BRINP2: variants seen among roughly 807,000 people sequenced by gnomAD.
The protein encoded by BRINP2 is BMP/retinoic acid inducible neural specific 2.
Under a neutral mutation model 69.2 loss-of-function variants are expected in BRINP2, and 21 were observed. The observed-to-expected ratio is 0.30, with a 90% CI of 0.22 to 0.44. The LOEUF is 0.44. Among genes scored for constraint, BRINP2 ranks in the 20% least tolerant of loss-of-function variants. The pLI is 1.00. For synonymous variants in BRINP2, 380 were observed against 394.1 expected (o/e 0.96, Z 0.42); for missense variants, 877 against 986.0 (o/e 0.89, Z 1.48).
chr1:177,224,498 G>A (rs1042894592), intron 1 of BRINP2, among the ~76,000 whole-genome samples: 3 of 152,086 alleles, frequency 2.0e-5, no homozygotes, highest in Non-Finnish European at 4.4e-5. Flanking sequence ...GGGATCACCT[G>A]ACCTCATAAA....
intron 6 of BRINP2, among the ~76,000 whole-genome samples, chr1:177,276,945 G>T (rs887527646): frequency 6.6e-6 from 1 of 150,480 alleles, no homozygotes; most frequent in African/African-American, 2.5e-5. Flanking sequence ...GATTAGCCGT[G>T]CAGCTTCTCA....
intron 4 of BRINP2, among the ~76,000 whole-genome samples, chr1:177,268,954 T>G (rs1651218088): frequency 6.6e-6 from 1 of 152,226 alleles, no homozygotes; most frequent in African/African-American, 2.4e-5. Context: ...ACGATGCATA[T>G]TACCAACTAT....
chr1:177,182,410 G>A (rs1648287153), intron 1 of BRINP2, among the ~76,000 whole-genome samples: 1 of 152,074 alleles, frequency 6.6e-6, no homozygotes, highest in Admixed American at 6.5e-5. Context: ...GTGAGACATG[G>A]TGCTTTTCCT....
intron 1 of BRINP2, among the ~76,000 whole-genome samples, chr1:177,191,705 C>A (rs191465761): frequency 1.3e-5 from 2 of 152,126 alleles, no homozygotes; most frequent in Admixed American, 1.3e-4. Flanking sequence ...CCACCTGCCT[C>A]GGCCTCACAA....
chr1:177,257,245 C>T lies in BRINP2; in HGVS notation c.530C>T (p.Ala177Val), dbSNP rs1218674798. 6.2e-6 allele frequency: 10 copies of T among 1,613,970 alleles called. No individual in the cohort carries two copies. Among genetic ancestry groups the T allele is most frequent in the African/African-American group, 2.7e-5 (2 of 74,906 alleles). ...AGAAAGACAGAGACAACAGGAGGTGCCTCTATAATCGGGGGCAGTGGGAAC... is the reference window on the plus strand; with the variant it reads ...AGAAAGACAGAGACAACAGGAGGTGTCTCTATAATCGGGGGCAGTGGGAAC... Reference protein sequence around the residue: ...LGRKTETTGGASIIGGSGNST... With the variant: ...LGRKTETTGGVSIIGGSGNST... The change falls in exon 4 of 8, where the codon GCC becomes GTC. Residue 177 changes from alanine (A) to valine (V), a missense_variant. Ala to Val is a moderately conservative substitution (Grantham distance 64, BLOSUM62 0). Coordinates refer to ENST00000361539, the MANE Select transcript of BRINP2 (RefSeq NM_021165.4).
At chr1:177,208,906 G>C (rs1245564005) in intron 1 of BRINP2, among the ~76,000 whole-genome samples, 1 of 152,182 alleles carries the variant, frequency 6.6e-6, no homozygotes, top group African/African-American at 2.4e-5. Flanking sequence ...AAATGTACGT[G>C]ATCAGGCAAA....
chr1:177,204,354 G>A (rs1243320134), intron 1 of BRINP2, among the ~76,000 whole-genome samples: 1 of 152,078 alleles, frequency 6.6e-6, no homozygotes, highest in African/African-American at 2.4e-5. Flanking sequence ...AGCCATGGAT[G>A]GAGGTGAGGT....
chr1:177,232,447 C>T (rs927160386), intron 2 of BRINP2, among the ~76,000 whole-genome samples: 6 of 152,194 alleles, frequency 3.9e-5, no homozygotes, highest in African/African-American at 1.2e-4. Context: ...CTTGAGGAAA[C>T]AGTAACCAGT....
chr1:177,202,921 A>T (rs533544331), intron 1 of BRINP2, among the ~76,000 whole-genome samples: 8 of 152,294 alleles, frequency 5.3e-5, no homozygotes, highest in Non-Finnish European at 1.5e-5. Flanking sequence ...CGGTGTGGCA[A>T]TTCCTCAGGG....
intron 1 of BRINP2, among the ~76,000 whole-genome samples, chr1:177,220,275 CA>C (rs1334178202): frequency 2.6e-5 from 4 of 152,094 alleles, no homozygotes; most frequent in African/African-American, 7.2e-5. Context: ...TGTTCCCACC[CA>C]AATCTCATGT....
At chr1:177,256,791 G>A (rs1650775888) in intron 3 of BRINP2, 2 of 1,136,320 alleles carry the variant, frequency 1.8e-6, no homozygotes, top group Admixed American at 8.0e-5. Flanking sequence ...GGGGAGGAGG[G>A]AGATGCCCCT....
chr1:177,277,791 T>C (rs1651547146), intron 6 of BRINP2, among the ~76,000 whole-genome samples: 1 of 152,018 alleles, frequency 6.6e-6, no homozygotes, highest in Non-Finnish European at 1.5e-5. Flanking sequence ...ATCAGGGCTC[T>C]CTAGACCTCT....
At chr1:177,203,108 A>G (rs527632211) in intron 1 of BRINP2, among the ~76,000 whole-genome samples, 1 of 152,328 alleles carries the variant, frequency 6.6e-6, no homozygotes, top group East Asian at 1.9e-4. Flanking sequence ...CTGGATTAAG[A>G]AAATGTGGCA....
intron 1 of BRINP2, among the ~76,000 whole-genome samples, 183 bp downstream of exon 1, chr1:177,171,915 G>A (rs1336666447): frequency 1.3e-5 from 2 of 152,278 alleles, no homozygotes; most frequent in East Asian, 3.9e-4. Context: ...AATGGACTTT[G>A]GGGTTGAGCT....
intron 4 of BRINP2, among the ~76,000 whole-genome samples, chr1:177,270,088 G>C (rs533538828): frequency 7.4e-6 from 1 of 135,804 alleles, no homozygotes; most frequent in African/African-American, 2.6e-5. Context: ...GGGGTGGGGG[G>C]GGTGGTTCTC....
At chr1:177,184,629 A>G (rs1648372855) in intron 1 of BRINP2, among the ~76,000 whole-genome samples, 1 of 150,458 alleles carries the variant, frequency 6.6e-6, no homozygotes, top group African/African-American at 2.5e-5. Flanking sequence ...AAACATTTTG[A>G]AGGTAGAGCC....
In BRINP2 at chr1:177,257,374, G is replaced by C; in HGVS notation, c.659G>C (p.Gly220Ala). ...CTGCACCATATCCAGATAGCCACGG[G>C]GGCCATCAAGGTAATGACCTGAGAG... is the stretch of plus-strand genomic sequence containing the variant. ...RRLHHIQIAT[G>A]AIKVTETRTG... Residue 220 changes from glycine to alanine, a missense_variant, in exon 4 of 8, where the codon GGG (glycine) becomes GCG (alanine). By Grantham distance (60) the Gly-to-Ala change is moderately conservative. Around this residue, in one of 3 missense-constraint regions of BRINP2, gnomAD observed 566 missense variants for 625.2 expected, o/e 0.91. Transcript: ENST00000361539. The C allele has an allele frequency of 6.2e-7, 1 of 1,609,722 alleles. No individual in the cohort carries two copies. Among genetic ancestry groups the C allele is most frequent in the South Asian group, 1.1e-5 (1 of 90,760 alleles).
chr1:177,218,127 CAGTATTTGCT>C (rs1207000388), intron 1 of BRINP2, among the ~76,000 whole-genome samples: 2 of 152,104 alleles, frequency 1.3e-5, no homozygotes, highest in Admixed American at 1.3e-4. Context: ...TGCTTTTTGT[CAGTATTTGCT>C]ACAGTGATCA....
intron 1 of BRINP2, among the ~76,000 whole-genome samples, chr1:177,218,198 G>A (rs1483265334): frequency 6.6e-6 from 1 of 152,108 alleles, no homozygotes; most frequent in Non-Finnish European, 1.5e-5. Context: ...TACAGGGAGT[G>A]TAGATTAAGC....
Sources: gnomAD v4.1 joint callset for allele counts (sites outside exome capture counted in the v4.1 genomes callset) on GRCh38, gnomAD v4.1.1 for gene constraint, gnomAD v4.1.1 regional missense constraint, MANE v1.5 for transcripts, NCBI Gene and HGNC (gene_info 2026-07-23, HGNC 2026-07-21) for gene names.